The following CAMK1G variants were observed in gnomAD, a reference collection of about 807,000 sequenced individuals.
CAMK1G encodes the protein calcium/calmodulin-dependent protein kinase type 1G.
Under a neutral mutation model 54.8 loss-of-function variants are expected in CAMK1G, and 27 were observed. The observed-to-expected ratio is 0.49, with a 90% confidence interval of 0.36 to 0.68. The LOEUF is 0.68. CAMK1G is among the 30% of genes least tolerant of loss of function. The pLI is 0.00. For synonymous variants in CAMK1G, 238 were observed against 224.9 expected, an observed-to-expected ratio of 1.06 and a Z score of -0.52; for missense variants, 512 against 591.0, an observed-to-expected ratio of 0.87 and a Z score of 1.39.
chr1:209,583,941 T>C (rs1448656938), intron 1 of CAMK1G, 169 bp downstream of exon 1: 1 of 152,214 alleles, frequency 6.6e-6, no homozygotes, highest in Non-Finnish European at 1.5e-5. Context: ...GGGTGAGTTA[T>C]AGCTGTCTTG....
At chr1:209,585,102 C>G (rs75787471) in intron 1 of CAMK1G, among the ~76,000 whole-genome samples, 2,570 of 152,264 alleles carry the variant, frequency 0.017, 38 homozygotes, top group Middle Eastern at 0.027. Context: ...ATTCAGTGAA[C>G]TTTCCACGAT....
intron 2 of CAMK1G, among the ~76,000 whole-genome samples, chr1:209,599,501 C>T (rs186307493): frequency 5.3e-5 from 8 of 152,244 alleles, no homozygotes; most frequent in Non-Finnish European, 8.8e-5. Context: ...ATCTCCCAAG[C>T]GTTAGTTGTG....
intron 5 of CAMK1G, 41 bp downstream of exon 5, chr1:209,605,715 C>T: frequency 2.5e-6 from 4 of 1,593,190 alleles, no homozygotes; most frequent in Non-Finnish European, 2.6e-6. Flanking sequence ...AGATAATGAC[C>T]CTTAAGGAAG....
intron 12 of CAMK1G, 29 bp from the exon 13 acceptor site, chr1:209,613,011 T>A (rs1293859865): frequency 1.6e-6 from 1 of 640,764 alleles, no homozygotes; most frequent in Non-Finnish European, 2.8e-6. Context: ...GGCAACCCCC[T>A]CCTCACTCTG....
At chr1:209,611,593 C>T (rs1210707559) in intron 10 of CAMK1G, 41 bp downstream of exon 10, 10 of 1,578,356 alleles carry the variant, frequency 6.3e-6, no homozygotes, top group African/African-American at 4.1e-5. Flanking sequence ...CTGTTCTGGG[C>T]CCCTGGAGGC....
rs1273910387 is a variant in CAMK1G, at chr1:209,613,892, G to A, written c.*890G>A. On this transcript the variant is annotated 3_prime_UTR_variant, in exon 13 of 13. Transcript: ENST00000361322. ...AGTTTCCTCGCCCTCCACCCCTCCA[G>A]CTTCATGCTCAGTGTTGTGCTTAAT... 6.6e-6 allele frequency: 1 copy of A among 152,202 alleles called. No individual in the cohort carries two copies. The highest frequency in any genetic ancestry group is 1.5e-5 in the Non-Finnish European group (1 of 68,066). The allele number at this position is 152,202 out of a possible 1,614,324, so 9.4% of individuals were successfully genotyped here. A position where few individuals can be genotyped will look rare whatever the true frequency, so the allele number is the denominator to read the frequency against.
chr1:209,611,644 T>C, intron 10 of CAMK1G, 92 bp downstream of exon 10: 1 of 1,476,254 alleles, frequency 6.8e-7, no homozygotes, highest in East Asian at 2.3e-5. Flanking sequence ...CCTTGGGATG[T>C]CCCAGAAGGC....
In CAMK1G at chr1:209,606,420, C is replaced by G. The variant is rs1408251332; in HGVS notation, c.536C>G (p.Ala179Gly). 2.2e-5 allele frequency: 35 copies of G among 1,613,886 alleles called. No individual in the cohort carries two copies. Among genetic ancestry groups the G allele is most frequent in the Non-Finnish European group, 2.9e-5 (34 of 1,179,912 alleles). Residue 179 changes from alanine to glycine, a missense_variant, in exon 6 of 13, where the codon GCC becomes GGC. Physicochemically the swap from Ala to Gly is moderately conservative, Grantham distance 60. Coordinates refer to ENST00000361322, the MANE Select transcript of CAMK1G (RefSeq NM_020439.3). ...GAACAGAATGGCATCATGTCCACTG[C>G]CTGTGGGACCCCAGGCTACGTGGGT... is the stretch of plus-strand genomic sequence containing the variant. ...KMEQNGIMST[A>G]CGTPGYVAPE...
At chr1:209,587,478 T>C (rs931394864) in intron 1 of CAMK1G, among the ~76,000 whole-genome samples, 2 of 152,122 alleles carry the variant, frequency 1.3e-5, no homozygotes, top group Non-Finnish European at 2.9e-5. Flanking sequence ...GTGTCTTTAA[T>C]GGTCCTCAGA....
At chr1:209,606,282 G>T in intron 5 of CAMK1G, 38 bp from the exon 6 acceptor site, 3 of 1,603,392 alleles carry the variant, frequency 1.9e-6, no homozygotes, top group Non-Finnish European at 2.6e-6. Flanking sequence ...CTTGCTTCAG[G>T]TGGTTATATC....
intron 2 of CAMK1G, among the ~76,000 whole-genome samples, chr1:209,598,233 C>T (rs546755747): frequency 6.6e-6 from 1 of 152,172 alleles, no homozygotes; most frequent in Non-Finnish European, 1.5e-5. Context: ...GTCTTCAGAG[C>T]CTGCCTCAGA....
At position 209,611,471 on chromosome 1, in the gene CAMK1G, C is replaced by A. The variant is rs370631457; in HGVS notation, c.834C>A (p.Asp278Glu). The change falls in exon 10 of 13, where the codon GAC (aspartate) becomes GAA (glutamate). Residue 278 changes from aspartate to glutamate, a missense_variant. By Grantham distance (45) the Asp-to-Glu change is conservative. This residue lies in a region of CAMK1G where 315 missense variants were observed against 330.5 expected (regional missense o/e 0.95). Transcript: ENST00000361322. ...CEKALSHPWI[D>E]GNTALHRDIY... is the part of the protein sequence containing the mutation. ...TCCCCTCTTACATCCACAGGATTGA[C>A]GGAAACACAGCCCTCCACCGGGACA... 4 of 1,613,952 alleles carry A rather than the reference C, an allele frequency of 2.5e-6. No individual in the cohort carries two copies. The highest frequency in any genetic ancestry group is 2.7e-5 in the African/African-American group (2 of 74,912).
At chr1:209,587,951 C>A (rs111561436) in intron 1 of CAMK1G, among the ~76,000 whole-genome samples, 1 of 152,178 alleles carries the variant, frequency 6.6e-6, no homozygotes, top group South Asian at 2.1e-4. Context: ...CCTCCCAAGG[C>A]CCATAGGCTT....
intron 2 of CAMK1G, among the ~76,000 whole-genome samples, chr1:209,599,336 TAATAA>T (rs1311081095): frequency 6.6e-6 from 1 of 152,096 alleles, no homozygotes; most frequent in Non-Finnish European, 1.5e-5. Context: ...TCTAAAAAAA[TAATAA>T]AATAAAATAA....
chr1:209,588,369 T>A (rs781412780), intron 1 of CAMK1G, among the ~76,000 whole-genome samples: 4 of 37,562 alleles, frequency 1.1e-4, no homozygotes, highest in African/African-American at 3.8e-4. Context: ...TTGGATTGGA[T>A]TGGATTGGAT....
chr1:209,607,714 AC>A, intron 6 of CAMK1G, 143 bp from the exon 7 acceptor site: 1 of 648,644 alleles, frequency 1.5e-6, no homozygotes, highest in East Asian at 2.7e-5. Context: ...CACAGCCCCT[AC>A]CCTTAGGGAG....
chr1:209,596,989 T>C (rs1381540645), intron 2 of CAMK1G, among the ~76,000 whole-genome samples: 1 of 152,038 alleles, frequency 6.6e-6, no homozygotes, highest in Non-Finnish European at 1.5e-5. Flanking sequence ...TCAGCAGTGA[T>C]TTGAAGGGAG....
intron 2 of CAMK1G, among the ~76,000 whole-genome samples, chr1:209,599,335 A>G (rs1558138066): frequency 6.6e-6 from 1 of 152,218 alleles, no homozygotes; most frequent in Non-Finnish European, 1.5e-5. Flanking sequence ...CTCTAAAAAA[A>G]TAATAAAATA....
chr1:209,590,150 T>C (rs929425118), intron 1 of CAMK1G, among the ~76,000 whole-genome samples: 1 of 152,220 alleles, frequency 6.6e-6, no homozygotes, highest in Non-Finnish European at 1.5e-5. Flanking sequence ...GAGAGCAATA[T>C]TGGAGCTTCA....
Sources: allele counts gnomAD v4.1 joint callset (sites outside exome capture counted in the v4.1 genomes callset), GRCh38; gene constraint gnomAD v4.1.1; regional missense constraint gnomAD v4.1.1; transcripts MANE v1.5; gene names NCBI Gene and HGNC (gene_info 2026-07-23, HGNC 2026-07-21).